ASAP3: variants seen among roughly 807,000 people sequenced by gnomAD.
ASAP3 encodes ArfGAP with SH3 domain, ankyrin repeat and PH domain 3.
In ASAP3, 85 loss-of-function variants were observed where a neutral mutation model predicts 118.2. The observed-to-expected ratio is 0.72, with a 90% CI of 0.60 to 0.86. ASAP3 has a LOEUF of 0.86. Ranked by LOEUF, ASAP3 falls within the 40% of genes least tolerant of loss-of-function variation. ASAP3 has a pLI of 0.00. For missense variants in ASAP3, 1,026 were observed against 1,175.0 expected (o/e 0.87, Z 1.85); for synonymous variants, 432 against 477.4 (o/e 0.90, Z 1.24).
intron 5 of ASAP3, among the ~76,000 whole-genome samples, chr1:23,447,102 C>T (rs1641070919): frequency 1.3e-5 from 2 of 152,220 alleles, no homozygotes; most frequent in African/African-American, 4.8e-5. Context: ...GCGGTAATCT[C>T]GCTCGCCTGC....
chr1:23,429,482 A>G lies in ASAP3; in HGVS notation c.*374T>C. The G allele has an allele frequency of 5.9e-6, 1 of 170,044 alleles. No individual in the cohort carries two copies. Among genetic ancestry groups the G allele is most frequent in the Non-Finnish European group, 1.3e-5 (1 of 79,368 alleles). 10.5% of individuals were successfully genotyped at this position (170,044 alleles called of 1,614,324 possible). On this transcript the variant is annotated 3_prime_UTR_variant, in exon 25 of 25. Coordinates refer to ENST00000336689, the MANE Select transcript of ASAP3 (RefSeq NM_017707.4). ...TACTTGGCAGGGTCCCTGATCTGGA[A>G]GTCAGTGATGGAGGGCTCTCCTGCC...
chr1:23,474,584 A>AT (rs1455157078), intron 1 of ASAP3, among the ~76,000 whole-genome samples: 12 of 150,486 alleles, frequency 8.0e-5, no homozygotes, highest in East Asian at 1.9e-4. Flanking sequence ...TTATTTATTT[A>AT]TTTATTTTTA....
chr1:23,449,022 A>T (rs1641132254), intron 5 of ASAP3, among the ~76,000 whole-genome samples: 1 of 148,732 alleles, frequency 6.7e-6, no homozygotes. Flanking sequence ...CGAGCTGCTG[A>T]CAGTCACACT....
chr1:23,444,160 C>T (rs149090787), intron 5 of ASAP3, among the ~76,000 whole-genome samples: 11 of 152,336 alleles, frequency 7.2e-5, no homozygotes, highest in East Asian at 3.9e-4. Flanking sequence ...TGAGCCACCA[C>T]GCCCCACCGT....
chr1:23,436,988 C>T lies in ASAP3; in HGVS notation c.1399G>A (p.Val467Ile), dbSNP rs768411529. 2 of 1,612,092 alleles carry T rather than the reference C, an allele frequency of 1.2e-6. No homozygotes were observed. Among genetic ancestry groups the T allele is most frequent in the Admixed American group, 1.7e-5 (1 of 59,904 alleles). Residue 467 changes from valine to isoleucine, a missense_variant, in exon 15 of 25, where the codon GTC (valine) becomes ATC (isoleucine). Val to Ile is a conservative substitution (Grantham distance 29). Transcript: ENST00000336689. The surrounding 1 kb of genome is among the most constrained non-coding windows in gnomAD (Gnocchi z 4.2). ...AAGCGCACGCCCAGTTCGCGGTGGA[C>T]GCCCGAGCACTGGATGCAGGTGAGC... ...GVLTCIQCSGVHRELGVRFSR... is the reference protein window; with the variant it reads ...GVLTCIQCSGIHRELGVRFSR...
intron 1 of ASAP3, among the ~76,000 whole-genome samples, chr1:23,477,326 G>GAGA (rs1642162569): frequency 7.4e-6 from 1 of 134,378 alleles, no homozygotes; most frequent in African/African-American, 2.7e-5. Flanking sequence ...GCAGTGAGCC[G>GAGA]AGATCACGCC....
At chr1:23,476,664 T>G (rs1248953749) in intron 1 of ASAP3, among the ~76,000 whole-genome samples, 1 of 152,204 alleles carries the variant, frequency 6.6e-6, no homozygotes, top group African/African-American at 2.4e-5. Context: ...ACCAGGGCCA[T>G]CAAACTTGAA....
chr1:23,434,676 G>GT (rs1640572149), intron 17 of ASAP3, 58 bp from the exon 18 acceptor site: 5 of 1,531,282 alleles, frequency 3.3e-6, no homozygotes, highest in Middle Eastern at 1.7e-4. Context: ...CTCCAACCCA[G>GT]TATTTCCCTC....
chr1:23,444,997 T>C (rs1314514679), intron 5 of ASAP3, among the ~76,000 whole-genome samples: 1 of 150,892 alleles, frequency 6.6e-6, no homozygotes, highest in Non-Finnish European at 1.5e-5. Flanking sequence ...AAGAGGGGGT[T>C]ATTTTTTATT....
At chr1:23,439,718 C>A (rs1481506547) in intron 10 of ASAP3, among the ~76,000 whole-genome samples, 3 of 142,060 alleles carry the variant, frequency 2.1e-5, no homozygotes, top group African/African-American at 9.4e-5. Context: ...TCATTGGTTT[C>A]TTCTTCAAAG....
At chr1:23,483,753 G>C (rs1377326777) in intron 1 of ASAP3, among the ~76,000 whole-genome samples, 1 of 152,192 alleles carries the variant, frequency 6.6e-6, no homozygotes, top group Non-Finnish European at 1.5e-5. Context: ...GGGCACTTGG[G>C]GTACGTCCCC....
chr1:23,465,474 C>T (rs1039582734), intron 1 of ASAP3, among the ~76,000 whole-genome samples: 2 of 152,096 alleles, frequency 1.3e-5, no homozygotes, highest in African/African-American at 4.8e-5. Flanking sequence ...TGAACAGTGG[C>T]AGAGCTGTAA....
Position 23,437,081 on chromosome 1 carries a change from C to T in ASAP3, c.1343-37G>A, listed in dbSNP as rs1412995300. Reference sequence around the variant, plus strand: ...AGCAGCTGGAGCCTGGAGGTGCAGCCCCTCCCCTCCACTTAAGCCTCCCTC... The same window carrying T: ...AGCAGCTGGAGCCTGGAGGTGCAGCTCCTCCCCTCCACTTAAGCCTCCCTC... On this transcript the variant is annotated intron_variant, in intron 14 of 24. Transcript: ENST00000336689. The surrounding 1 kb of genome is among the most constrained non-coding windows in gnomAD (Gnocchi z 6.1). 1 of 1,601,738 alleles carries T rather than the reference C, an allele frequency of 6.2e-7. No homozygotes were observed. Among genetic ancestry groups the T allele is most frequent in the African/African-American group, 1.3e-5 (1 of 74,642 alleles).
In ASAP3 at chr1:23,438,673, C is replaced by A; in HGVS notation, c.1102+74G>T. The stretch of plus-strand genomic sequence containing the variant: ...TGGACACAGACCCCTCACTGAAGCC[C>A]CCCGGGAGCTGACAGGTGTCTTAGA... On this transcript the variant is annotated intron_variant, in intron 12 of 24. Coordinates refer to ENST00000336689, the MANE Select transcript of ASAP3 (RefSeq NM_017707.4). This position sits in a 1 kb window ranked among gnomAD's most constrained non-coding sequence, Gnocchi z 4.9. 2.2e-6 allele frequency: 3 copies of A among 1,388,070 alleles called. No homozygotes were observed. The highest frequency in any genetic ancestry group is 3.6e-5 in the Admixed American group (2 of 55,916). The allele number at this position is 1,388,070 out of a possible 1,614,324, so 86.0% of individuals were successfully genotyped here.
chr1:23,471,966 A>G (rs1641974655), intron 1 of ASAP3, among the ~76,000 whole-genome samples: 1 of 152,194 alleles, frequency 6.6e-6, no homozygotes. Context: ...CCTTGAAAAC[A>G]CTGTGCAACT....
chr1:23,455,764 C>G, intron 3 of ASAP3, 117 bp downstream of exon 3: 2 of 1,336,878 alleles, frequency 1.5e-6, no homozygotes, highest in South Asian at 2.7e-5. Flanking sequence ...GGTCTGAACT[C>G]AGGTCAGAGA....
intron 1 of ASAP3, among the ~76,000 whole-genome samples, chr1:23,477,166 G>A (rs1642157240): frequency 6.6e-6 from 1 of 151,488 alleles, no homozygotes; most frequent in African/African-American, 2.4e-5. Flanking sequence ...ACAGGCACGT[G>A]CCACCATACC....
At position 23,457,356 on chromosome 1, in the gene ASAP3, A is replaced by G. The variant is rs78359561; in HGVS notation, c.130-1162T>C. ...AAACACATTGGAAATGGTACTGCCA[A>G]AGATTCAAAATGATACCCACAGGAG... On this transcript the variant is annotated intron_variant, in intron 1 of 24. Transcript: ENST00000336689. 9.1e-4 allele frequency among the ~76,000 whole-genome samples: 139 copies of G among 152,322 alleles called. No individual in the cohort carries two copies. In the East Asian group the frequency reaches 0.025, roughly 28 times the overall value.
chr1:23,462,205 T>C (rs1452823365), intron 1 of ASAP3, among the ~76,000 whole-genome samples: 15 of 151,638 alleles, frequency 9.9e-5, no homozygotes, highest in African/African-American at 3.4e-4. Context: ...TTGTATTTTT[T>C]AGTAGAGACG....
Sources: gnomAD v4.1 joint callset for allele counts (sites outside exome capture counted in the v4.1 genomes callset) on GRCh38, gnomAD v4.1.1 for gene constraint, Gnocchi (gnomAD v3.1) non-coding constraint, MANE v1.5 for transcripts, NCBI Gene and HGNC (gene_info 2026-07-23, HGNC 2026-07-21) for gene names.